The following CDC123 variants were observed in gnomAD, a reference collection of about 807,000 sequenced individuals.
CDC123 encodes cell division cycle 123, also known as translation initiation factor eIF2 assembly protein.
Under a neutral mutation model 54.4 loss-of-function variants are expected in CDC123, and 37 were observed. The ratio of observed to expected loss-of-function variants is 0.68; its 90% CI spans 0.52 to 0.89. CDC123 has a LOEUF of 0.89. Ranked by LOEUF, CDC123 falls within the 40% of genes least tolerant of loss-of-function variation. The pLI is 0.00. For synonymous variants in CDC123, 144 were observed against 136.8 expected (o/e 1.05, Z -0.37); for missense variants, 361 against 412.1 (o/e 0.88, Z 1.07).
intron 1 of CDC123, among the ~76,000 whole-genome samples, chr10:12,198,440 T>C (rs756877762): frequency 3.9e-5 from 6 of 152,230 alleles, no homozygotes; most frequent in African/African-American, 7.2e-5. Context: ...CCTTTTGAGC[T>C]TGTTGCTTTC....
intron 12 of CDC123, 195 bp downstream of exon 12, chr10:12,249,913 A>G: frequency 1.4e-6 from 1 of 712,604 alleles, no homozygotes; most frequent in South Asian, 2.6e-5. Context: ...GATTAGAATG[A>G]CAGAAAATGT....
chr10:12,205,965 AT>A (rs201378994), intron 2 of CDC123, among the ~76,000 whole-genome samples: 1 of 151,758 alleles, frequency 6.6e-6, no homozygotes. Context: ...CGCCCAGCTA[AT>A]TTTTTTTGTA....
Position 12,212,830 on chromosome 10 carries a change from G to A in CDC123, c.237+2508G>A, listed in dbSNP as rs118086493. Among the ~76,000 whole-genome samples the A allele has an allele frequency of 6.0e-3, 907 of 152,240 alleles. 19 individuals carry two copies. Among genetic ancestry groups the A allele is most frequent in the East Asian group, 0.023 (121 of 5,190 alleles). On this transcript the variant is annotated intron_variant, in intron 4 of 12. Coordinates refer to ENST00000281141, the MANE Select transcript of CDC123 (RefSeq NM_006023.3). ...TAAATGACTTTTGTGTTTAGATTTG[G>A]GTCCCATCCCCATTATGTATATGCA...
intron 6 of CDC123, among the ~76,000 whole-genome samples, chr10:12,225,893 G>A (rs1168952155): frequency 1.3e-5 from 2 of 151,630 alleles, no homozygotes; most frequent in Non-Finnish European, 2.9e-5. Context: ...GTTTTCCTAG[G>A]CAGAGGACCC....
intron 10 of CDC123, among the ~76,000 whole-genome samples, chr10:12,243,077 T>C (rs1836081407): frequency 6.6e-6 from 1 of 151,916 alleles, no homozygotes; most frequent in Non-Finnish European, 1.5e-5. Flanking sequence ...ACACTACCAA[T>C]TAACAGTGGT....
chr10:12,232,205 A>G (rs1455278861), intron 7 of CDC123, among the ~76,000 whole-genome samples: 2 of 152,048 alleles, frequency 1.3e-5, no homozygotes, highest in African/African-American at 4.8e-5. Context: ...TTCCACTTGC[A>G]CTGTCAAAAT....
intron 11 of CDC123, among the ~76,000 whole-genome samples, chr10:12,248,277 G>A (rs1836185688): frequency 6.6e-6 from 1 of 152,168 alleles, no homozygotes; most frequent in African/African-American, 2.4e-5. Context: ...GGAGGCCGAG[G>A]CTGGTGGATC....
rs150891932 is a variant in CDC123 at position 12,198,692 on chromosome 10, G to GT, written c.75-3dup. 0.033 allele frequency: 37,964 copies of GT among 1,144,744 alleles called. 1 individual carries two copies. The highest frequency in any genetic ancestry group is 0.039 in the East Asian group (1,125 of 29,128). The allele number at this position is 1,144,744 out of a possible 1,614,324, so 70.9% of individuals were successfully genotyped here. A position where few individuals can be genotyped will look rare whatever the true frequency, so the allele number is the denominator to read the frequency against. On this transcript the variant is annotated splice_polypyrimidine_tract_variant and intron_variant, in intron 1 of 12. Transcript: ENST00000281141. ...CTTTTAAAATGATGCCTTTTTTGGT[G>GT]TTTTTTTTTTAGTGTCATTCTTCCA...
At chr10:12,217,334 C>A in intron 5 of CDC123, 27 bp from the exon 6 acceptor site, 2 of 1,602,082 alleles carry the variant, frequency 1.2e-6, no homozygotes, top group South Asian at 1.1e-5. Context: ...GGAATATGGA[C>A]TAAATAGCAT....
chr10:12,242,066 A>G (rs918526722), intron 10 of CDC123, among the ~76,000 whole-genome samples: 7 of 124,154 alleles, frequency 5.6e-5, no homozygotes, highest in Non-Finnish European at 9.3e-5. Flanking sequence ...TGTTTGGAAC[A>G]GCAAGCCTTG....
At chr10:12,223,557 A>T (rs575636490) in intron 6 of CDC123, among the ~76,000 whole-genome samples, 2 of 152,338 alleles carry the variant, frequency 1.3e-5, no homozygotes, top group Admixed American at 1.3e-4. Flanking sequence ...GAGTGCTGGG[A>T]TTATAGGCAT....
chr10:12,229,095 CTTAG>C (rs1384245846), intron 6 of CDC123, among the ~76,000 whole-genome samples: 8 of 152,090 alleles, frequency 5.3e-5, no homozygotes, highest in Non-Finnish European at 1.0e-4. Flanking sequence ...CTCCCATTCC[CTTAG>C]TTAGACCCTC....
At chr10:12,230,597 C>T (rs138308697) in intron 6 of CDC123, among the ~76,000 whole-genome samples, 1 of 152,324 alleles carries the variant, frequency 6.6e-6, no homozygotes, top group Non-Finnish European at 1.5e-5. Context: ...CTTTGTGTTA[C>T]AAATGATCCA....
chr10:12,246,056 T>C, intron 10 of CDC123, 93 bp from the exon 11 acceptor site: 3 of 1,396,418 alleles, frequency 2.1e-6, no homozygotes, highest in Non-Finnish European at 2.9e-6. Context: ...GGCAACAGCA[T>C]GAGACCCTGT....
At chr10:12,249,928 A>AT in intron 12 of CDC123, 1 of 615,804 alleles carries the variant, frequency 1.6e-6, no homozygotes, top group Non-Finnish European at 2.6e-6. Context: ...AAATGTTTTT[A>AT]TGCTGTACAT....
chr10:12,222,743 T>A (rs1835753515), intron 6 of CDC123, among the ~76,000 whole-genome samples: 1 of 152,172 alleles, frequency 6.6e-6, no homozygotes, highest in African/African-American at 2.4e-5. Flanking sequence ...ATTTGATTTG[T>A]CTTAGTAATT....
At chr10:12,205,889 A>G (rs1835512877) in intron 2 of CDC123, among the ~76,000 whole-genome samples, 1 of 151,458 alleles carries the variant, frequency 6.6e-6, no homozygotes, top group African/African-American at 2.4e-5. Context: ...ACCTCTGCCT[A>G]CCGGGTTCAA....
In CDC123 at chr10:12,250,293, C is replaced by T; in HGVS notation, c.985-18C>T. 6.5e-7 allele frequency: 1 copy of T among 1,547,920 alleles called. No individual in the cohort carries two copies. Among genetic ancestry groups the T allele is most frequent in the Non-Finnish European group, 8.9e-7 (1 of 1,129,470 alleles). ...GGAGCATGTGCTATTTTAACATCCC[C>T]TTGGTTTTCTTTGACAGAAGAGAAA... On this transcript the variant is annotated intron_variant, in intron 12 of 12. Coordinates refer to ENST00000281141, the MANE Select transcript of CDC123 (RefSeq NM_006023.3).
intron 4 of CDC123, 74 bp downstream of exon 4, chr10:12,210,396 C>T (rs1260619258): frequency 2.6e-6 from 4 of 1,511,830 alleles, no homozygotes; most frequent in Non-Finnish European, 3.6e-6. Flanking sequence ...GGTTTAAGTG[C>T]ATACCTCTCT....
Sources: gnomAD v4.1 joint callset for allele counts (sites outside exome capture counted in the v4.1 genomes callset) on GRCh38, gnomAD v4.1.1 for gene constraint, MANE v1.5 for transcripts, NCBI Gene and HGNC (gene_info 2026-07-23, HGNC 2026-07-21) for gene names.